Variants in KIF13B observed in about 807,000 individuals in gnomAD.
KIF13B encodes the protein kinesin family member 13B, also known as kinesin-like protein KIF13B.
KIF13B carries 127 observed loss-of-function variants against 222.0 expected under a neutral mutation model. The observed-to-expected ratio is 0.57, with a 90% confidence interval of 0.50 to 0.66. The LOEUF is 0.66. Among genes scored for constraint, KIF13B ranks in the 30% least tolerant of loss-of-function variants. The pLI is 0.00. For synonymous variants in KIF13B, 976 were observed against 919.0 expected, an observed-to-expected ratio of 1.06 and a Z score of -1.12; for missense variants, 2,173 against 2,379.0, an observed-to-expected ratio of 0.91 and a Z score of 1.80.
Position 29,142,257 on chromosome 8 carries a change from C to G in KIF13B, c.2234G>C (p.Gly745Ala). ...SEPAIQVRRK[G>A]KGKQIWSLEK... Reference sequence around the variant, plus strand: ...CAAAGACCAAATCTGCTTTCCTTTTCCTTTTCTTCTCACCTGGATTGCAGG... The same window carrying G: ...CAAAGACCAAATCTGCTTTCCTTTTGCTTTTCTTCTCACCTGGATTGCAGG... Residue 745 changes from glycine to alanine, a missense_variant, in exon 19 of 40, where the codon GGA (glycine) becomes GCA (alanine). Around this residue, in one of 2 missense-constraint regions of KIF13B, gnomAD observed 1,480 missense variants for 1,722.8 expected, o/e 0.86. Transcript: ENST00000524189. 1 of 1,613,792 alleles carries G rather than the reference C, an allele frequency of 6.2e-7. No homozygotes were observed. Among genetic ancestry groups the G allele is most frequent in the Non-Finnish European group, 8.5e-7 (1 of 1,179,784 alleles).
intron 18 of KIF13B, chr8:29,146,102 G>C (rs1811048650): frequency 3.5e-6 from 2 of 578,020 alleles, no homozygotes; most frequent in African/African-American, 3.7e-5. Context: ...AGACTTCTAA[G>C]AAAGAATTTA....
intron 1 of KIF13B, 76 bp downstream of exon 1, chr8:29,262,904 C>G (rs2117198495): frequency 7.9e-7 from 1 of 1,265,736 alleles, no homozygotes; most frequent in East Asian, 3.0e-5. Context: ...GCCGGACCCC[C>G]CACGGCGGCC....
At chr8:29,189,899 C>G (rs1813100430) in intron 4 of KIF13B, 1 of 152,254 alleles carries the variant, frequency 6.6e-6, no homozygotes, top group Non-Finnish European at 1.5e-5. Context: ...GAATGGCACA[C>G]AGTGAATCTC....
Position 29,160,801 on chromosome 8 carries a change from C to T in KIF13B, c.1336G>A (p.Asp446Asn), listed in dbSNP as rs749461076. 3.7e-6 allele frequency: 6 copies of T among 1,613,532 alleles called. No individual in the cohort carries two copies. In the South Asian group the frequency reaches 6.6e-5, roughly 18 times the overall value. The change falls in exon 13 of 40, where the codon GAT becomes AAT. Residue 446 changes from aspartate (D) to asparagine (N), a missense_variant. Coordinates refer to ENST00000524189, the MANE Select transcript of KIF13B (RefSeq NM_015254.4). ...TTCAGATTCACAAGGAAGCATTTAT[C>T]ATCCCCAACTTTGATTCCCGAAGAC... The part of the protein sequence containing the change: ...LQSSGIKVGD[D>N]KCFLVNLNAD...
At chr8:29,186,788 G>C (rs773394910) in intron 5 of KIF13B, among the ~76,000 whole-genome samples, 5 of 150,238 alleles carry the variant, frequency 3.3e-5, no homozygotes, top group African/African-American at 1.2e-4. Context: ...GTGAAACCCC[G>C]TCTCTACTAA....
chr8:29,223,164 C>CAAAAAAAAAAAAA (rs375009923), intron 2 of KIF13B, among the ~76,000 whole-genome samples: 26 of 113,064 alleles, frequency 2.3e-4, no homozygotes, highest in African/African-American at 2.8e-4. Flanking sequence ...CAAAAAAATA[C>CAAAAAAAAAAAAA]AAAAAAAAAA....
At chr8:29,093,414 G>A (rs778206034) in intron 36 of KIF13B, among the ~76,000 whole-genome samples, 5 of 152,112 alleles carry the variant, frequency 3.3e-5, no homozygotes, top group Non-Finnish European at 4.4e-5. Flanking sequence ...AACAACTTAC[G>A]TTCTTACCTG....
chr8:29,165,904 T>TTCGATGGTAGATCGAAGTACC, intron 11 of KIF13B, 132 bp from the exon 12 acceptor site: 1 of 567,658 alleles, frequency 1.8e-6, no homozygotes, highest in Non-Finnish European at 3.1e-6. Flanking sequence ...TGACATCTAC[T>TTCGATGGTAGATCGAAGTACC]TCGATTGTAG....
At chr8:29,090,957 A>G (rs965138487) in intron 37 of KIF13B, among the ~76,000 whole-genome samples, 12 of 152,288 alleles carry the variant, frequency 7.9e-5, no homozygotes, top group Non-Finnish European at 1.6e-4. Flanking sequence ...ACCTCAGGTG[A>G]GCCACCTGCC....
At chr8:29,126,651 A>C in intron 25 of KIF13B, 140 bp from the exon 26 acceptor site, 1 of 647,196 alleles carries the variant, frequency 1.5e-6, no homozygotes, top group Non-Finnish European at 2.8e-6. Flanking sequence ...ACCTACCCAC[A>C]CCCTCACTCT....
chr8:29,230,876 G>GTT (rs370043737), intron 2 of KIF13B, among the ~76,000 whole-genome samples: 4 of 152,020 alleles, frequency 2.6e-5, no homozygotes, highest in Admixed American at 2.6e-4. Context: ...CTAATATTTT[G>GTT]TTTTTTGTTT....
At chr8:29,110,915 T>A (rs1008190292) in intron 32 of KIF13B, among the ~76,000 whole-genome samples, 9 of 152,238 alleles carry the variant, frequency 5.9e-5, no homozygotes, top group Admixed American at 4.6e-4. Context: ...CCACTGCATC[T>A]TAAATGCCAT....
At chr8:29,158,186 G>A (rs573850510) in intron 13 of KIF13B, among the ~76,000 whole-genome samples, 2 of 152,236 alleles carry the variant, frequency 1.3e-5, no homozygotes, top group African/African-American at 4.8e-5. Flanking sequence ...ATTGGAAAAA[G>A]CCACTGTCAT....
chr8:29,119,043 C>A (rs1178495128), intron 29 of KIF13B, 51 bp from the exon 30 acceptor site: 1 of 1,555,732 alleles, frequency 6.4e-7, no homozygotes, highest in Non-Finnish European at 8.7e-7. Flanking sequence ...CAAGGATAAC[C>A]CCTACCAGCT....
At chr8:29,252,364 A>G (rs1762040895) in intron 1 of KIF13B, among the ~76,000 whole-genome samples, 1 of 152,236 alleles carries the variant, frequency 6.6e-6, no homozygotes, top group South Asian at 2.1e-4. Context: ...CTCATGTTCC[A>G]TCTGGGGAAA....
intron 2 of KIF13B, among the ~76,000 whole-genome samples, chr8:29,233,439 C>G (rs914273865): frequency 1.4e-4 from 21 of 152,192 alleles, no homozygotes; most frequent in African/African-American, 4.6e-4. Flanking sequence ...GCATCTGTAG[C>G]AACCCAGGGA....
intron 1 of KIF13B, among the ~76,000 whole-genome samples, chr8:29,246,338 C>G (rs1389212420): frequency 6.6e-6 from 1 of 150,610 alleles, no homozygotes; most frequent in Non-Finnish European, 1.5e-5. Flanking sequence ...GATCGTGCCA[C>G]TGCACTCCAG....
At chr8:29,217,866 C>A (rs998169560) in intron 2 of KIF13B, among the ~76,000 whole-genome samples, 1 of 152,054 alleles carries the variant, frequency 6.6e-6, no homozygotes, top group Non-Finnish European at 1.5e-5. Context: ...ATCAGGACAC[C>A]CCCCCACAAG....
intron 2 of KIF13B, among the ~76,000 whole-genome samples, chr8:29,216,392 T>C (rs1025130327): frequency 1.3e-5 from 2 of 151,512 alleles, no homozygotes; most frequent in African/African-American, 4.9e-5. Flanking sequence ...AGGTCAGGAG[T>C]TCAAAACCAG....
Sources: allele counts gnomAD v4.1 joint callset (sites outside exome capture counted in the v4.1 genomes callset), GRCh38; gene constraint gnomAD v4.1.1; regional missense constraint gnomAD v4.1.1; transcripts MANE v1.5; gene names NCBI Gene and HGNC (gene_info 2026-07-23, HGNC 2026-07-21).